The following ZNF704 variants were observed in gnomAD, a reference collection of about 807,000 sequenced individuals.
ZNF704 encodes glucocorticoid induced gene 1.
In ZNF704, 10 loss-of-function variants were observed where a neutral mutation model predicts 44.7. The observed-to-expected ratio is 0.22, with a 90% CI of 0.14 to 0.38. The LOEUF (loss-of-function observed/expected upper bound fraction) is 0.38. Among genes scored for constraint, ZNF704 ranks in the 10% least tolerant of loss-of-function variants. ZNF704 has a pLI of 1.00. For missense variants in ZNF704, 390 were observed against 545.5 expected, an observed-to-expected ratio of 0.71 and a Z score of 2.84; for synonymous variants, 211 against 207.6, an observed-to-expected ratio of 1.02 and a Z score of -0.14.
intron 2 of ZNF704, among the ~76,000 whole-genome samples, chr8:80,706,268 T>C (rs1454682668): frequency 6.6e-6 from 1 of 152,174 alleles, no homozygotes; most frequent in Admixed American, 6.5e-5. Flanking sequence ...ATAGCAGTTA[T>C]TTCATGAGGG....
chr8:80,875,548 C>T (rs919489321), upstream of ZNF704, among the ~76,000 whole-genome samples: 1 of 152,148 alleles, frequency 6.6e-6, no homozygotes, highest in Non-Finnish European at 1.5e-5. Flanking sequence ...AGATGATTTG[C>T]CTGCCTTGGC....
At chr8:80,761,935 A>G (rs1807138693) in intron 2 of ZNF704, among the ~76,000 whole-genome samples, 1 of 152,260 alleles carries the variant, frequency 6.6e-6, no homozygotes, top group Non-Finnish European at 1.5e-5. Context: ...ATGGGTCACC[A>G]CCATATATGC....
intron 1 of ZNF704, among the ~76,000 whole-genome samples, chr8:80,866,675 G>A (rs886602897): frequency 2.9e-4 from 44 of 152,290 alleles, no homozygotes; most frequent in African/African-American, 1.1e-3. Flanking sequence ...ACAATGACAT[G>A]GGGAGGGAAA....
chr8:80,735,726 C>T (rs534190670), intron 2 of ZNF704, among the ~76,000 whole-genome samples: 14 of 152,278 alleles, frequency 9.2e-5, no homozygotes, highest in South Asian at 6.2e-4. Context: ...ATGGGTTATA[C>T]AATGGGATGA....
At chr8:80,770,908 TTTG>T (rs1807308778) in intron 2 of ZNF704, among the ~76,000 whole-genome samples, 2 of 152,308 alleles carry the variant, frequency 1.3e-5, no homozygotes, top group South Asian at 2.1e-4. Context: ...TATTTCGTTT[TTTG>T]TTGTTGTTTG....
At chr8:80,789,578 T>C (rs1807670155) in intron 2 of ZNF704, among the ~76,000 whole-genome samples, 1 of 152,070 alleles carries the variant, frequency 6.6e-6, no homozygotes, top group Non-Finnish European at 1.5e-5. Context: ...TGAGACCCTG[T>C]CTCTACAAAA....
intron 1 of ZNF704, among the ~76,000 whole-genome samples, chr8:80,856,831 T>C (rs1464069271): frequency 2.6e-5 from 4 of 152,228 alleles, no homozygotes; most frequent in Admixed American, 6.5e-5. Flanking sequence ...TTTAGATTAT[T>C]GTAGTTATTT....
chr8:80,869,902 G>C (rs953414641), intron 1 of ZNF704, among the ~76,000 whole-genome samples: 13 of 152,208 alleles, frequency 8.5e-5, no homozygotes, highest in Admixed American at 5.9e-4. Flanking sequence ...ACAGCAGTAA[G>C]TAGGGAAGGG....
chr8:80,797,504 C>T (rs937797964), intron 2 of ZNF704, among the ~76,000 whole-genome samples: 1 of 150,616 alleles, frequency 6.6e-6, no homozygotes, highest in East Asian at 1.9e-4. Flanking sequence ...CATATGTATG[C>T]CTCCAAGGTT....
At chr8:80,653,089 G>A (rs1049126173) in intron 7 of ZNF704, among the ~76,000 whole-genome samples, 4 of 152,310 alleles carry the variant, frequency 2.6e-5, no homozygotes, top group African/African-American at 4.8e-5. Context: ...CTCAATAGAT[G>A]CAGAAAAGGC....
At position 80,692,995 on chromosome 8, in the gene ZNF704, T is replaced by C. The variant is rs1460624232; in HGVS notation, c.325+9A>G. On this transcript the variant is annotated intron_variant, in intron 3 of 8. Coordinates refer to ENST00000327835, the MANE Select transcript of ZNF704 (RefSeq NM_001033723.3). ...GGGCCCTTCCCTAAGTCCCATATCCTGGGCTTACCGTTCGGCCGCACGGGA... is the reference window on the plus strand; with the variant it reads ...GGGCCCTTCCCTAAGTCCCATATCCCGGGCTTACCGTTCGGCCGCACGGGA... 6.2e-7 allele frequency: 1 copy of C among 1,613,778 alleles called. No homozygotes were observed. Among genetic ancestry groups the C allele is most frequent in the Admixed American group, 1.7e-5 (1 of 60,028 alleles).
intron 1 of ZNF704, among the ~76,000 whole-genome samples, chr8:80,823,112 C>A (rs1808307372): frequency 6.6e-6 from 1 of 152,152 alleles, no homozygotes. Flanking sequence ...GCCCACAGAG[C>A]AGGGTGGGGC....
chr8:80,720,027 A>C (rs548216322), intron 2 of ZNF704, among the ~76,000 whole-genome samples: 3 of 152,238 alleles, frequency 2.0e-5, no homozygotes, highest in Non-Finnish European at 4.4e-5. Context: ...TAATTTGTCC[A>C]AGGTCACACA....
intron 2 of ZNF704, among the ~76,000 whole-genome samples, chr8:80,706,990 A>T (rs1012684398): frequency 1.3e-4 from 20 of 152,182 alleles, no homozygotes; most frequent in African/African-American, 4.8e-4. Context: ...TCATCTTTTT[A>T]AAAAAACTGC....
intron 2 of ZNF704, among the ~76,000 whole-genome samples, chr8:80,797,052 G>A (rs186248011): frequency 4.4e-4 from 67 of 152,166 alleles, no homozygotes; most frequent in African/African-American, 1.5e-3. Context: ...GTGGTAACAG[G>A]CCCCAAGCTA....
intron 5 of ZNF704, among the ~76,000 whole-genome samples, chr8:80,666,784 T>G (rs995730492): frequency 1.3e-5 from 2 of 150,552 alleles, no homozygotes; most frequent in Non-Finnish European, 3.0e-5. Flanking sequence ...TGTCTGTTCA[T>G]GTCCTTCGCC....
intron 2 of ZNF704, among the ~76,000 whole-genome samples, chr8:80,802,874 A>C (rs956076290): frequency 6.6e-5 from 10 of 152,228 alleles, no homozygotes; most frequent in Admixed American, 6.5e-4. Flanking sequence ...AAGGTATTCA[A>C]ATAGGAAGAG....
At chr8:80,805,864 A>C (rs954053740) in intron 2 of ZNF704, among the ~76,000 whole-genome samples, 2 of 152,324 alleles carry the variant, frequency 1.3e-5, no homozygotes, top group South Asian at 4.1e-4. Context: ...GTCTGCAGAC[A>C]GCAATGCACC....
intron 7 of ZNF704, among the ~76,000 whole-genome samples, chr8:80,658,209 G>A (rs1029326210): frequency 6.6e-6 from 1 of 152,124 alleles, no homozygotes; most frequent in South Asian, 2.1e-4. Context: ...TGAGCAACAT[G>A]GTGTATGCTT....
Sources: gnomAD v4.1 joint callset for allele counts (sites outside exome capture counted in the v4.1 genomes callset) on GRCh38, gnomAD v4.1.1 for gene constraint, MANE v1.5 for transcripts, NCBI Gene and HGNC (gene_info 2026-07-23, HGNC 2026-07-21) for gene names.